ANK3: variants seen among roughly 807,000 people sequenced by gnomAD.
ANK3 encodes ankyrin 3.
Under a neutral mutation model 370.9 loss-of-function variants are expected in ANK3, and 57 were observed. That is an observed-to-expected ratio of 0.15 (90% CI 0.12 to 0.19). The LOEUF is 0.19. ANK3 is among the 10% of genes least tolerant of loss of function. The probability of loss-of-function intolerance (pLI) is 1.00; values close to 1 mark genes in which losing one functional copy is unlikely to be tolerated. For missense variants in ANK3, 4,439 were observed against 5,302.1 expected (o/e 0.84, Z 5.06); for synonymous variants, 1,929 against 1,946.3 (o/e 0.99, Z 0.23).
At chr10:60,649,898 T>C (rs2078763911) in intron 1 of ANK3, among the ~76,000 whole-genome samples, 1 of 152,188 alleles carries the variant, frequency 6.6e-6, no homozygotes, top group Non-Finnish European at 1.5e-5. Flanking sequence ...ACCAATGAAA[T>C]GTGTCACCTT....
At chr10:60,149,774 T>C (rs1401105866) in intron 23 of ANK3, among the ~76,000 whole-genome samples, 2 of 152,226 alleles carry the variant, frequency 1.3e-5, no homozygotes, top group African/African-American at 2.4e-5. Context: ...AGTGGTACGA[T>C]CTCGGCTCAC....
chr10:60,088,036 C>T (rs1011743185), intron 29 of ANK3, 111 bp downstream of exon 29: 26 of 817,006 alleles, frequency 3.2e-5, no homozygotes, highest in African/African-American at 1.2e-4. Flanking sequence ...ATTCCCCAAA[C>T]GGCCTAATTA....
At chr10:60,517,921 C>T (rs7098650) in intron 2 of ANK3, among the ~76,000 whole-genome samples, 111,007 of 151,896 alleles carry the variant, frequency 0.73, 40,564 homozygotes, top group South Asian at 0.88. Flanking sequence ...GCTAGCTGTG[C>T]AAACTCAGCC....
intron 2 of ANK3, among the ~76,000 whole-genome samples, chr10:60,439,521 T>TA (rs911306247): frequency 2.0e-4 from 30 of 150,828 alleles, no homozygotes; most frequent in African/African-American, 5.1e-4. Context: ...AAAAATAATT[T>TA]AAAAAAAAAC....
chr10:60,624,158 T>C (rs2078376865), intron 1 of ANK3, among the ~76,000 whole-genome samples: 1 of 151,914 alleles, frequency 6.6e-6, no homozygotes, highest in Admixed American at 6.6e-5. Flanking sequence ...CATGATACAA[T>C]TTACCTACAT....
chr10:60,330,686 A>G (rs927678702), intron 1 of ANK3, among the ~76,000 whole-genome samples: 5 of 152,220 alleles, frequency 3.3e-5, no homozygotes, highest in African/African-American at 1.2e-4. Flanking sequence ...AATTAGTTCA[A>G]CCATTGTGGC....
chr10:60,053,670 AT>A (rs1253243200), intron 42 of ANK3: 1 of 1,303,234 alleles, frequency 7.7e-7, no homozygotes, highest in Non-Finnish European at 1.0e-6. Context: ...AAATAGCAGA[AT>A]TTTACCTTAT....
intron 1 of ANK3, among the ~76,000 whole-genome samples, chr10:60,331,650 T>C (rs2051352035): frequency 6.6e-6 from 1 of 151,728 alleles, no homozygotes; most frequent in South Asian, 2.1e-4. Context: ...AGGCCTAGAA[T>C]CTCCTTCCTG....
chr10:60,326,176 G>A (rs923017175), intron 1 of ANK3, among the ~76,000 whole-genome samples: 2 of 151,976 alleles, frequency 1.3e-5, no homozygotes, highest in East Asian at 3.9e-4. Context: ...CCACCAATGG[G>A]TACTAGGTTT....
At chr10:60,466,727 C>T (rs1471553883) in intron 2 of ANK3, among the ~76,000 whole-genome samples, 1 of 152,068 alleles carries the variant, frequency 6.6e-6, no homozygotes, top group Non-Finnish European at 1.5e-5. Flanking sequence ...ATCACTCAGC[C>T]ATTAAAAGAA....
intron 2 of ANK3, among the ~76,000 whole-genome samples, chr10:60,569,856 T>C (rs1425111521): frequency 6.6e-6 from 1 of 152,192 alleles, no homozygotes; most frequent in Non-Finnish European, 1.5e-5. Context: ...CTAGGAAATA[T>C]TTTGAATGCT....
intron 2 of ANK3, among the ~76,000 whole-genome samples, chr10:60,429,658 G>T (rs903288173): frequency 1.3e-5 from 2 of 152,150 alleles, no homozygotes; most frequent in African/African-American, 4.8e-5. Context: ...CCCTGGCTTG[G>T]CTCCCAACTG....
chr10:60,193,565 G>A (rs905185098), intron 16 of ANK3, among the ~76,000 whole-genome samples: 1 of 151,564 alleles, frequency 6.6e-6, no homozygotes. Context: ...TGAGGCAGGA[G>A]AATTGCTTCA....
At chr10:60,034,961 G>A (rs993124536) in intron 43 of ANK3, among the ~76,000 whole-genome samples, 6 of 151,998 alleles carry the variant, frequency 3.9e-5, no homozygotes, top group African/African-American at 1.5e-4. Flanking sequence ...AATAAGTAGG[G>A]CTTTTTTGAT....
chr10:60,056,232 G>A (rs543474857), intron 41 of ANK3, among the ~76,000 whole-genome samples, 196 bp from the exon 42 acceptor site: 1 of 152,318 alleles, frequency 6.6e-6, no homozygotes, highest in South Asian at 2.1e-4. Context: ...CACCTTGGGA[G>A]GCTGAGGCGG....
intron 2 of ANK3, among the ~76,000 whole-genome samples, chr10:60,578,402 C>T (rs1376452922): frequency 1.3e-5 from 2 of 152,150 alleles, no homozygotes; most frequent in African/African-American, 4.8e-5. Flanking sequence ...GACAGATATA[C>T]ATTCTTTTGT....
At chr10:60,292,468 A>C (rs1319832923) in intron 1 of ANK3, among the ~76,000 whole-genome samples, 1 of 152,092 alleles carries the variant, frequency 6.6e-6, no homozygotes, top group Non-Finnish European at 1.5e-5. Context: ...TGGAATGTTA[A>C]TATAAGGAAG....
Position 60,073,896 on chromosome 10 carries a change from T to C in ANK3, c.6985A>G (p.Ile2329Val), listed in dbSNP as rs2083256900. The C allele has an allele frequency of 1.2e-6, 2 of 1,613,992 alleles. No homozygotes were observed. The highest frequency in any genetic ancestry group is 3.3e-4 in the Middle Eastern group (2 of 6,062). The change falls in exon 37 of 44, where the codon ATA (isoleucine) becomes GTA (valine). Residue 2329 changes from isoleucine (I) to valine (V), a missense_variant. Physicochemically the swap from Ile to Val is conservative, Grantham distance 29. Around this residue, in one of 13 missense-constraint regions of ANK3, gnomAD observed 1,601 missense variants for 1,731.7 expected, o/e 0.92. Transcript: ENST00000280772. ...DNQMKPKLER[I>V]IEVHIEKGNQ... ...CCTTTTTCGATGTGGACTTCTATTA[T>C]ACGCTCCAGTTTGGGTTTCATTTGG...
At chr10:60,236,708 A>C (rs973999678) in intron 7 of ANK3, among the ~76,000 whole-genome samples, 2 of 152,246 alleles carry the variant, frequency 1.3e-5, no homozygotes, top group African/African-American at 4.8e-5. Flanking sequence ...AGATGCTAAA[A>C]TATAAATCTT....
Sources: gnomAD v4.1 joint callset for allele counts (sites outside exome capture counted in the v4.1 genomes callset) on GRCh38, gnomAD v4.1.1 for gene constraint, gnomAD v4.1.1 regional missense constraint, MANE v1.5 for transcripts, NCBI Gene and HGNC (gene_info 2026-07-23, HGNC 2026-07-21) for gene names.